THADA: variants seen among roughly 807,000 people sequenced by gnomAD.
THADA encodes the protein tRNA (32-2'-O)-methyltransferase regulator THADA.
Under a neutral mutation model 219.8 loss-of-function variants are expected in THADA, and 213 were observed. That is an observed-to-expected ratio of 0.97 (90% CI 0.87 to 1.09). THADA has a LOEUF of 1.09. Ranked by LOEUF, THADA falls within the 50% of genes least tolerant of loss-of-function variation. The probability of loss-of-function intolerance (pLI) is 0.00; values close to 1 mark genes in which losing one functional copy is unlikely to be tolerated. For missense variants in THADA, 2,956 were observed against 2,311.3 expected, an observed-to-expected ratio of 1.28 and a Z score of -5.72; for synonymous variants, 1,018 against 828.9, an observed-to-expected ratio of 1.23 and a Z score of -3.92.
At chr2:43,543,262 T>C (rs1357941591) in intron 20 of THADA, among the ~76,000 whole-genome samples, 1 of 131,630 alleles carries the variant, frequency 7.6e-6, no homozygotes, top group African/African-American at 3.0e-5. Context: ...ATTTTCTTAA[T>C]CCAGTCTATC....
At chr2:43,390,739 A>C (rs145378187) in intron 29 of THADA, among the ~76,000 whole-genome samples, 174 of 152,346 alleles carry the variant, frequency 1.1e-3, no homozygotes, top group African/African-American at 3.9e-3. Context: ...TGAGAGCAGT[A>C]ATCTTGGAGG....
intron 34 of THADA, among the ~76,000 whole-genome samples, chr2:43,289,347 T>C (rs544140174): frequency 2.0e-5 from 3 of 152,388 alleles, no homozygotes; most frequent in Admixed American, 2.0e-4. Context: ...ATGTAACTAA[T>C]GATTCCTTTG....
At chr2:43,380,347 A>G (rs1183823336) in intron 29 of THADA, among the ~76,000 whole-genome samples, 1 of 152,208 alleles carries the variant, frequency 6.6e-6, no homozygotes, top group East Asian at 1.9e-4. Context: ...TTCTCCCACT[A>G]GTATGGGTTA....
Position 43,549,209 on chromosome 2 carries a change from C to A in THADA, c.3106+1G>T, listed in dbSNP as rs374836554. 5.1e-6 allele frequency: 8 copies of A among 1,562,026 alleles called. No homozygotes were observed. The highest frequency in any genetic ancestry group is 1.4e-5 in the African/African-American group (1 of 73,740). On this transcript the variant is annotated splice_donor_variant, in intron 20 of 37. Coordinates refer to ENST00000405975, the MANE Select transcript of THADA (RefSeq NM_022065.5). LOFTEE classifies it high-confidence loss of function. The stretch of plus-strand genomic sequence containing the variant: ...TACAGTATCCATTTTATACAAGTTA[C>A]CTTTGATTTCTGTAGAAGTATCAAT...
At chr2:43,400,835 G>T (rs997775525) in intron 28 of THADA, among the ~76,000 whole-genome samples, 9 of 152,184 alleles carry the variant, frequency 5.9e-5, no homozygotes, top group African/African-American at 2.2e-4. Context: ...CCTGTGAGTA[G>T]CCCCAAAAAG....
At chr2:43,389,611 T>C (rs764635824) in intron 29 of THADA, among the ~76,000 whole-genome samples, 3 of 152,222 alleles carry the variant, frequency 2.0e-5, no homozygotes, top group Non-Finnish European at 4.4e-5. Context: ...GTCTCTCACA[T>C]GCTGACCTGC....
chr2:43,284,805 C>T (rs1211132184), intron 35 of THADA, among the ~76,000 whole-genome samples: 1 of 152,208 alleles, frequency 6.6e-6, no homozygotes, highest in African/African-American at 2.4e-5. Context: ...AAGGGCTGTA[C>T]CCTGTAAAGC....
At chr2:43,327,103 T>C (rs759508761) in intron 30 of THADA, among the ~76,000 whole-genome samples, 1 of 151,722 alleles carries the variant, frequency 6.6e-6, no homozygotes, top group Admixed American at 6.6e-5. Context: ...AAACAGAGGA[T>C]TGATTTGATT....
At chr2:43,559,220 C>G (rs1201556198) in intron 16 of THADA, among the ~76,000 whole-genome samples, 1 of 152,208 alleles carries the variant, frequency 6.6e-6, no homozygotes, top group African/African-American at 2.4e-5. Context: ...AGGGAACTTT[C>G]TGCTCACAAG....
chr2:43,533,946 T>G (rs970080286), intron 21 of THADA, among the ~76,000 whole-genome samples: 1 of 152,186 alleles, frequency 6.6e-6, no homozygotes, highest in Non-Finnish European at 1.5e-5. Context: ...CAGGTGACAT[T>G]ATGGACATAT....
At chr2:43,377,855 A>C (rs551562543) in intron 29 of THADA, among the ~76,000 whole-genome samples, 1 of 152,292 alleles carries the variant, frequency 6.6e-6, no homozygotes, top group South Asian at 2.1e-4. Flanking sequence ...AGATGAGCTA[A>C]AAAAGAATTA....
chr2:43,382,855 G>C (rs948953153), intron 29 of THADA, among the ~76,000 whole-genome samples: 2 of 152,068 alleles, frequency 1.3e-5, no homozygotes, highest in African/African-American at 4.8e-5. Context: ...AGTCTTCCAA[G>C]CACACAATTT....
intron 36 of THADA, among the ~76,000 whole-genome samples, chr2:43,261,410 G>C (rs1316302077): frequency 6.6e-6 from 1 of 150,896 alleles, no homozygotes; most frequent in African/African-American, 2.4e-5. Context: ...TTTTAGTAGA[G>C]ATGGGGTTTC....
rs560225485 is a variant in THADA, at chr2:43,487,519, T to C, written c.3745-2194A>G. ...GGAGACACATGTCTTTTTAGTAATA[T>C]TAAGATGGACCAGACAGTTCTAATC... On this transcript the variant is annotated intron_variant, in intron 25 of 37. Transcript: ENST00000405975. Among the ~76,000 whole-genome samples the C allele has an allele frequency of 5.9e-5, 9 of 152,298 alleles. No homozygotes were observed. In the South Asian group the frequency reaches 1.7e-3, roughly 28 times the overall value.
intron 29 of THADA, among the ~76,000 whole-genome samples, chr2:43,348,751 G>A (rs1573199243): frequency 6.6e-6 from 1 of 152,196 alleles, no homozygotes; most frequent in South Asian, 2.1e-4. Context: ...GATTATAAGA[G>A]AATCTACAGC....
At chr2:43,474,799 C>T (rs549903552) in intron 26 of THADA, among the ~76,000 whole-genome samples, 4 of 152,220 alleles carry the variant, frequency 2.6e-5, no homozygotes, top group African/African-American at 7.2e-5. Context: ...GTATTAGATG[C>T]TTCTAGAATT....
At chr2:43,392,576 T>C (rs992865884) in intron 29 of THADA, among the ~76,000 whole-genome samples, 13 of 152,154 alleles carry the variant, frequency 8.5e-5, no homozygotes, top group African/African-American at 2.9e-4. Flanking sequence ...AAGGTAATGC[T>C]AAAGTCTACT....
chr2:43,262,810 C>T (rs1028157215), intron 36 of THADA, among the ~76,000 whole-genome samples: 14 of 152,304 alleles, frequency 9.2e-5, no homozygotes, highest in Non-Finnish European at 1.6e-4. Flanking sequence ...GGAGTTTTTA[C>T]GAAATGTAGA....
chr2:43,479,057 G>T (rs575238762), intron 26 of THADA, among the ~76,000 whole-genome samples: 68 of 152,150 alleles, frequency 4.5e-4, no homozygotes, highest in Admixed American at 1.6e-3. Flanking sequence ...AACAACTCTG[G>T]AAAATGCATG....
Sources: gnomAD v4.1 joint callset for allele counts (sites outside exome capture counted in the v4.1 genomes callset) on GRCh38, gnomAD v4.1.1 for gene constraint, MANE v1.5 for transcripts, NCBI Gene and HGNC (gene_info 2026-07-23, HGNC 2026-07-21) for gene names.